Variants in LINGO1 observed in about 807,000 individuals in gnomAD.
LINGO1 encodes leucine rich repeat and Ig domain containing 1, also known as leucine-rich repeat and immunoglobulin-like domain-containing nogo receptor-interacting protein 1.
A neutral mutation model predicts 37.3 loss-of-function variants in LINGO1; 11 were observed. The ratio of observed to expected loss-of-function variants is 0.29; its 90% CI spans 0.19 to 0.49. The LOEUF (loss-of-function observed/expected upper bound fraction) is 0.49, where lower values mean the gene tolerates loss of function less well. LINGO1 is among the 20% of genes least tolerant of loss of function. The pLI is 0.99. For synonymous variants in LINGO1, 387 were observed against 403.0 expected (o/e 0.96, Z 0.48); for missense variants, 585 against 878.2 (o/e 0.67, Z 4.22).
intron 3 of LINGO1, among the ~76,000 whole-genome samples, chr15:77,653,622 T>C (rs2074808469): frequency 1.3e-5 from 2 of 152,186 alleles, no homozygotes; most frequent in South Asian, 4.1e-4. Flanking sequence ...GTTACCCAGC[T>C]GGGAGTGAGG....
chr15:77,737,881 T>A (rs2076218983), intron 1 of LINGO1, among the ~76,000 whole-genome samples: 1 of 151,702 alleles, frequency 6.6e-6, no homozygotes. Context: ...CTCCATCCCA[T>A]CCTGTCTGCA....
upstream of LINGO1, among the ~76,000 whole-genome samples, chr15:77,789,881 G>A (rs1287901301): frequency 6.6e-6 from 1 of 152,032 alleles, no homozygotes; most frequent in African/African-American, 2.4e-5. Flanking sequence ...AGCCTCTCAG[G>A]CTCAAGCAGC....
intron 1 of LINGO1, among the ~76,000 whole-genome samples, chr15:77,621,842 C>T (rs2073932349): frequency 6.6e-6 from 1 of 152,192 alleles, no homozygotes; most frequent in African/African-American, 2.4e-5. Flanking sequence ...TTAGTTATTC[C>T]AGGTTTATGG....
intron 2 of LINGO1, among the ~76,000 whole-genome samples, chr15:77,684,962 C>T (rs7174838): frequency 0.015 from 2,242 of 151,886 alleles, 49 homozygotes; most frequent in African/African-American, 0.05. Flanking sequence ...TGGGTGAGTG[C>T]GCACAGGGTC....
At chr15:77,818,414 G>A (rs754911070) in intron 1 of LINGO1, among the ~76,000 whole-genome samples, 9 of 152,332 alleles carry the variant, frequency 5.9e-5, no homozygotes, top group Non-Finnish European at 1.0e-4. Flanking sequence ...GACTCACAAT[G>A]GGAGAGGGTA....
chr15:77,685,691 T>TA (rs74752846), intron 2 of LINGO1, among the ~76,000 whole-genome samples: 5,782 of 137,506 alleles, frequency 0.042, 386 homozygotes, highest in African/African-American at 0.14. Context: ...GACCCCGTCT[T>TA]AAAAAAAAAA....
chr15:77,633,521 G>A (rs994706703), upstream of LINGO1, among the ~76,000 whole-genome samples: 2 of 152,224 alleles, frequency 1.3e-5, no homozygotes, highest in African/African-American at 4.8e-5. Context: ...AGGCAGAATG[G>A]GAAGCTCCAG....
At chr15:77,716,319 C>G (rs1254332695) in intron 2 of LINGO1, among the ~76,000 whole-genome samples, 1 of 133,376 alleles carries the variant, frequency 7.5e-6, no homozygotes, top group Admixed American at 8.5e-5. Context: ...CTCACTCTGT[C>G]ACCCAGGCTG....
intron 1 of LINGO1, among the ~76,000 whole-genome samples, chr15:77,769,736 A>G (rs550957856): frequency 6.6e-6 from 1 of 152,116 alleles, no homozygotes; most frequent in East Asian, 1.9e-4. Context: ...TCATGCCCCA[A>G]CCCCACCCCA....
intron 3 of LINGO1, among the ~76,000 whole-genome samples, chr15:77,659,249 C>T (rs1274842462): frequency 2.6e-5 from 4 of 152,096 alleles, no homozygotes; most frequent in Non-Finnish European, 5.9e-5. Context: ...TCCTGCCGTC[C>T]CCAGAACACC....
chr15:77,704,953 A>G (rs1470710657), intron 2 of LINGO1, among the ~76,000 whole-genome samples: 1 of 152,136 alleles, frequency 6.6e-6, no homozygotes, highest in East Asian at 1.9e-4. Context: ...AGTTTGCACC[A>G]GAGACCAGTG....
At chr15:77,618,871 AGGCGTGAGCCACCGCGCCCGGC>A (rs879519861) in intron 1 of LINGO1, among the ~76,000 whole-genome samples, 30 of 36 alleles carry the variant, frequency 0.83, 15 homozygotes, top group South Asian at 1. Flanking sequence ...CTGGGATTAC[AGGCGTGAGCCACCGCGCCCGGC>A]CTGTTATTCT....
Position 77,678,094 on chromosome 15 carries a change from C to T in LINGO1, c.-98-920G>A, listed in dbSNP as rs147979376. ...CCACCCTGGAGGAAGCCATCCTCAC[C>T]GTGTCTCACTGCCCTGACAGACTGA... On this transcript the variant is annotated intron_variant, in intron 2 of 3. Transcript: ENST00000559893. Among the ~76,000 whole-genome samples, 172 of 152,372 alleles carry T rather than the reference C, an allele frequency of 1.1e-3. No homozygotes were observed. The East Asian group carries it at 0.012, about 11-fold the overall frequency.
At chr15:77,671,411 C>T (rs182827382) in intron 3 of LINGO1, among the ~76,000 whole-genome samples, 461 of 152,292 alleles carry the variant, frequency 3.0e-3, no homozygotes, top group African/African-American at 0.01. Context: ...ACGGGCTGCT[C>T]TTAGCCCCAG....
rs114280099 is a variant in LINGO1 at position 77,622,073 on chromosome 15, G to A, written c.7-6173C>T. 7.4e-3 allele frequency among the ~76,000 whole-genome samples: 1,120 copies of A among 152,304 alleles called. 16 individuals are homozygous for A. Among genetic ancestry groups the A allele is most frequent in the African/African-American group, 0.025 (1,050 of 41,544 alleles). ...TCTTGCCTTGATGCCCGCCGTGCCC[G>A]TGACTGATTGGGCAGCAGGAGAGAG... On this transcript the variant is annotated intron_variant, in intron 1 of 1. Transcript: ENST00000355300.
rs369432888 is a variant in LINGO1, at chr15:77,815,577, C to T, written c.-458+4681G>A. On this transcript the variant is annotated intron_variant, in intron 1 of 5. Transcript: ENST00000562933. ...ACTGAGGCAGACCCATGGGCCTCAGCGGCTTACTGAAGTGCACACAGTGGC... is the reference window on the plus strand; with the variant it reads ...ACTGAGGCAGACCCATGGGCCTCAGTGGCTTACTGAAGTGCACACAGTGGC... Among the ~76,000 whole-genome samples, 24 of 152,312 alleles carry T rather than the reference C, an allele frequency of 1.6e-4. No individual in the cohort carries two copies. The East Asian group carries it at 4.1e-3, about 26-fold the overall frequency.
chr15:77,736,707 G>A (rs2076207232), intron 1 of LINGO1, among the ~76,000 whole-genome samples: 1 of 152,190 alleles, frequency 6.6e-6, no homozygotes, highest in South Asian at 2.1e-4. Flanking sequence ...CCAGGAGGTG[G>A]AGGCTACAGC....
chr15:77,710,751 C>T (rs543666091), intron 2 of LINGO1, among the ~76,000 whole-genome samples: 28 of 152,380 alleles, frequency 1.8e-4, no homozygotes, highest in African/African-American at 6.7e-4. Context: ...GCTGGGGTAG[C>T]CCCATTTAGC....
At chr15:77,619,575 A>G (rs867065192) in intron 1 of LINGO1, among the ~76,000 whole-genome samples, 23 of 152,024 alleles carry the variant, frequency 1.5e-4, no homozygotes, top group African/African-American at 2.4e-5. Flanking sequence ...AGTCCCAACT[A>G]CTCAGGGAGA....
Sources: allele counts gnomAD v4.1 joint callset (sites outside exome capture counted in the v4.1 genomes callset), GRCh38; gene constraint gnomAD v4.1.1; transcripts MANE v1.5; gene names NCBI Gene and HGNC (gene_info 2026-07-23, HGNC 2026-07-21).